The following CNTN4 variants were observed in gnomAD, a reference collection of about 807,000 sequenced individuals.
CNTN4 encodes the protein contactin 4.
Under a neutral mutation model 122.5 loss-of-function variants are expected in CNTN4, and 77 were observed. The ratio of observed to expected loss-of-function variants is 0.63; its 90% CI spans 0.52 to 0.76. The LOEUF (loss-of-function observed/expected upper bound fraction) is 0.76. Among genes scored for constraint, CNTN4 ranks in the 30% least tolerant of loss-of-function variants. The pLI, the probability that CNTN4 is intolerant of heterozygous loss-of-function variation, is 0.00. For synonymous variants in CNTN4, 512 were observed against 447.0 expected (o/e 1.15, Z -1.83); for missense variants, 1,256 against 1,259.1 (o/e 1.00, Z 0.04).
chr3:2,644,657 A>G (rs911660513), intron 4 of CNTN4, among the ~76,000 whole-genome samples: 7 of 150,856 alleles, frequency 4.6e-5, no homozygotes, highest in African/African-American at 1.7e-4. Flanking sequence ...TAGACTCACC[A>G]TGCCCTATAG....
intron 10 of CNTN4, among the ~76,000 whole-genome samples, chr3:2,898,639 T>C (rs1577200460): frequency 6.6e-6 from 1 of 152,232 alleles, no homozygotes; most frequent in East Asian, 1.9e-4. Flanking sequence ...TCTATGACAT[T>C]GAAATCTCTC....
intron 3 of CNTN4, among the ~76,000 whole-genome samples, chr3:2,486,224 C>T (rs142373674): frequency 3.3e-5 from 5 of 152,226 alleles, no homozygotes; most frequent in African/African-American, 9.6e-5. Flanking sequence ...GGAAGAAACT[C>T]GGAACACAGC....
chr3:2,685,282 A>G (rs2085374569), intron 4 of CNTN4, among the ~76,000 whole-genome samples: 1 of 152,184 alleles, frequency 6.6e-6, no homozygotes, highest in African/African-American at 2.4e-5. Flanking sequence ...TAGAGAAGTA[A>G]TGGGGAGTGA....
At chr3:2,266,465 G>T (rs545199847) in intron 2 of CNTN4, among the ~76,000 whole-genome samples, 1 of 151,896 alleles carries the variant, frequency 6.6e-6, no homozygotes, top group Non-Finnish European at 1.5e-5. Flanking sequence ...TCTCAGAGAA[G>T]TTATCTTGCT....
intron 4 of CNTN4, among the ~76,000 whole-genome samples, chr3:2,669,710 G>C (rs773836878): frequency 1.3e-5 from 2 of 152,130 alleles, no homozygotes; most frequent in Non-Finnish European, 2.9e-5. Flanking sequence ...GATCTTTCCT[G>C]CTTTCTCTTG....
chr3:2,270,724 CAGAAAA>C, intron 2 of CNTN4, among the ~76,000 whole-genome samples: 1 of 152,114 alleles, frequency 6.6e-6, no homozygotes. Flanking sequence ...GCTAGTGTGA[CAGAAAA>C]TGGAGCTCAG....
At chr3:2,650,842 GA>G (rs1408636531) in intron 4 of CNTN4, among the ~76,000 whole-genome samples, 3 of 152,216 alleles carry the variant, frequency 2.0e-5, no homozygotes, top group Admixed American at 6.5e-5. Context: ...GTATGCAATG[GA>G]AAACCAAAAA....
chr3:2,658,619 C>T (rs1198581466), intron 4 of CNTN4, among the ~76,000 whole-genome samples: 1 of 152,172 alleles, frequency 6.6e-6, no homozygotes, highest in Non-Finnish European at 1.5e-5. Flanking sequence ...TCCTTAAATA[C>T]CCAAACCATG....
intron 13 of CNTN4, among the ~76,000 whole-genome samples, chr3:2,988,118 G>A (rs911047053): frequency 1.3e-5 from 2 of 152,084 alleles, no homozygotes; most frequent in African/African-American, 4.8e-5. Flanking sequence ...TGACTGTTGA[G>A]ACCATTTTAG....
At chr3:2,750,196 C>T (rs2090022194) in intron 6 of CNTN4, among the ~76,000 whole-genome samples, 1 of 152,194 alleles carries the variant, frequency 6.6e-6, no homozygotes, top group African/African-American at 2.4e-5. Context: ...TTCATGCATG[C>T]TGGCCCTACT....
rs138560204 is a variant in CNTN4, at chr3:3,011,449, G to C, written c.1487-14653G>C. Among the ~76,000 whole-genome samples the C allele has an allele frequency of 7.4e-3, 1,129 of 152,264 alleles. 13 individuals carry two copies. The highest frequency in any genetic ancestry group is 0.011 in the Non-Finnish European group (716 of 68,014). Reference sequence around the variant, plus strand: ...GAGTTAATGGAGGTCCTGAAATGTGGATACAACAAGCATGATAATCCCTTG... The same window carrying C: ...GAGTTAATGGAGGTCCTGAAATGTGCATACAACAAGCATGATAATCCCTTG... On this transcript the variant is annotated intron_variant, in intron 14 of 24. Coordinates refer to ENST00000418658, the MANE Select transcript of CNTN4 (RefSeq NM_175607.3).
At chr3:2,805,156 A>G (rs534300359) in intron 6 of CNTN4, among the ~76,000 whole-genome samples, 1 of 152,068 alleles carries the variant, frequency 6.6e-6, no homozygotes, top group East Asian at 1.9e-4. Context: ...CAGCCTGTGC[A>G]ACAAGAACAA....
chr3:2,690,266 T>C (rs2085658654), intron 4 of CNTN4, among the ~76,000 whole-genome samples: 1 of 152,164 alleles, frequency 6.6e-6, no homozygotes, highest in Admixed American at 6.5e-5. Context: ...ATTGCTCCCC[T>C]TTTGGGTACA....
At chr3:2,487,744 A>G (rs1000756734) in intron 3 of CNTN4, among the ~76,000 whole-genome samples, 7 of 152,176 alleles carry the variant, frequency 4.6e-5, no homozygotes, top group Non-Finnish European at 1.0e-4. Flanking sequence ...GTAATTTTTG[A>G]AATACATGAG....
At chr3:2,113,129 A>G (rs1559253079) in intron 2 of CNTN4, among the ~76,000 whole-genome samples, 1 of 152,210 alleles carries the variant, frequency 6.6e-6, no homozygotes, top group African/African-American at 2.4e-5. Context: ...GATGGATTTC[A>G]CTGCTCTCAA....
intron 6 of CNTN4, among the ~76,000 whole-genome samples, chr3:2,779,884 C>T (rs926371659): frequency 3.3e-5 from 5 of 152,158 alleles, no homozygotes; most frequent in Non-Finnish European, 7.3e-5. Context: ...AGTAGCAATA[C>T]GTTATTTCAA....
intron 2 of CNTN4, among the ~76,000 whole-genome samples, chr3:2,126,965 T>C (rs1008230717): frequency 1.3e-5 from 2 of 152,212 alleles, no homozygotes; most frequent in Non-Finnish European, 2.9e-5. Flanking sequence ...GAAGGTCCTT[T>C]GTGACTTTTG....
At chr3:2,971,538 A>G (rs920129636) in intron 13 of CNTN4, among the ~76,000 whole-genome samples, 32 of 152,230 alleles carry the variant, frequency 2.1e-4, no homozygotes, top group Admixed American at 5.9e-4. Flanking sequence ...CATCTAACAG[A>G]AAAACAATAA....
intron 3 of CNTN4, among the ~76,000 whole-genome samples, chr3:2,535,069 C>T (rs925350611): frequency 6.6e-6 from 1 of 152,116 alleles, no homozygotes; most frequent in Non-Finnish European, 1.5e-5. Context: ...TGTCCCATTC[C>T]CACTTTTCTT....
Sources: allele counts gnomAD v4.1 joint callset (sites outside exome capture counted in the v4.1 genomes callset), GRCh38; gene constraint gnomAD v4.1.1; transcripts MANE v1.5; gene names NCBI Gene and HGNC (gene_info 2026-07-23, HGNC 2026-07-21).